Variants in SNTG1 observed in about 807,000 individuals in gnomAD.
SNTG1 encodes the protein syntrophin gamma 1.
A neutral mutation model predicts 74.7 loss-of-function variants in SNTG1; 39 were observed. That is an observed-to-expected ratio of 0.52 (90% CI 0.40 to 0.68). The LOEUF (loss-of-function observed/expected upper bound fraction) is 0.68. Ranked by LOEUF, SNTG1 falls within the 30% of genes least tolerant of loss-of-function variation. The pLI, the probability that SNTG1 is intolerant of heterozygous loss-of-function variation, is 0.00. For synonymous variants in SNTG1, 254 were observed against 217.1 expected, an observed-to-expected ratio of 1.17 and a Z score of -1.49; for missense variants, 685 against 609.5, an observed-to-expected ratio of 1.12 and a Z score of -1.30.
At chr8:49,932,178 C>T (rs1167240316) in intron 1 of SNTG1, among the ~76,000 whole-genome samples, 1 of 152,154 alleles carries the variant, frequency 6.6e-6, no homozygotes, top group Non-Finnish European at 1.5e-5. Flanking sequence ...ACTTCAACCA[C>T]TGGTGCTTAC....
chr8:50,285,694 G>A (rs965734282), intron 2 of SNTG1, among the ~76,000 whole-genome samples: 3 of 151,312 alleles, frequency 2.0e-5, no homozygotes, highest in Admixed American at 6.6e-5. Context: ...TAAAAATGGC[G>A]ACTTCTGGAC....
chr8:50,067,611 A>G (rs1821001299), intron 1 of SNTG1, among the ~76,000 whole-genome samples: 1 of 152,180 alleles, frequency 6.6e-6, no homozygotes, highest in Admixed American at 6.5e-5. Flanking sequence ...TTTTCAAAAT[A>G]TAGTTAGGTA....
At chr8:50,645,626 G>A (rs895431366) in intron 13 of SNTG1, among the ~76,000 whole-genome samples, 8 of 152,018 alleles carry the variant, frequency 5.3e-5, no homozygotes, top group Admixed American at 2.6e-4. Flanking sequence ...TTTATTCCTG[G>A]CAAAATAAAA....
chr8:50,126,264 A>G (rs1431520060), intron 1 of SNTG1, among the ~76,000 whole-genome samples: 1 of 152,162 alleles, frequency 6.6e-6, no homozygotes, highest in Non-Finnish European at 1.5e-5. Context: ...CTTTGGACTC[A>G]GACTGGCTAT....
At chr8:50,597,402 T>TATACATAA (rs2094738087) in intron 13 of SNTG1, among the ~76,000 whole-genome samples, 1 of 144,974 alleles carries the variant, frequency 6.9e-6, no homozygotes, top group Non-Finnish European at 1.5e-5. Context: ...TATATACATA[T>TATACATAA]ATACATATAT....
chr8:50,178,524 A>G (rs559248990), intron 2 of SNTG1, among the ~76,000 whole-genome samples: 1 of 152,290 alleles, frequency 6.6e-6, no homozygotes, highest in East Asian at 1.9e-4. Flanking sequence ...ATTAATACAA[A>G]TGAATTATAA....
chr8:50,522,731 G>A (rs766968800), intron 9 of SNTG1, among the ~76,000 whole-genome samples: 93 of 152,030 alleles, frequency 6.1e-4, no homozygotes, highest in Admixed American at 9.8e-4. Flanking sequence ...GGCATGCACC[G>A]CCATGCCCGG....
intron 2 of SNTG1, among the ~76,000 whole-genome samples, chr8:50,254,375 A>C (rs1023038219): frequency 2.6e-5 from 4 of 152,172 alleles, no homozygotes; most frequent in Non-Finnish European, 5.9e-5. Flanking sequence ...CTTTTTTGAA[A>C]ACTCAAAGAT....
chr8:50,384,705 C>T (rs2092546392), intron 2 of SNTG1, among the ~76,000 whole-genome samples: 1 of 152,128 alleles, frequency 6.6e-6, no homozygotes, highest in Non-Finnish European at 1.5e-5. Context: ...TCTCTTCCTC[C>T]AGTGAATTGT....
Position 50,225,489 on chromosome 8 carries a change from T to G in SNTG1, c.-28+52854T>G, listed in dbSNP as rs79256631. 4.9e-3 allele frequency among the ~76,000 whole-genome samples: 749 copies of G among 152,280 alleles called. 10 individuals are homozygous for G. The highest frequency in any genetic ancestry group is 0.017 in the African/African-American group (707 of 41,562). ...CACCACCTTGAGTTGTCCCCTGCCTTTTCAGACAGAACCAATGCTCATCTT... is the reference window on the plus strand; with the variant it reads ...CACCACCTTGAGTTGTCCCCTGCCTGTTCAGACAGAACCAATGCTCATCTT... On this transcript the variant is annotated intron_variant, in intron 2 of 18. Transcript: ENST00000642720.
intron 1 of SNTG1, among the ~76,000 whole-genome samples, chr8:50,053,492 G>A (rs927175458): frequency 1.3e-5 from 2 of 151,950 alleles, no homozygotes; most frequent in Non-Finnish European, 2.9e-5. Context: ...AAAGTAGACA[G>A]TAGTGATGAT....
intron 18 of SNTG1, among the ~76,000 whole-genome samples, chr8:50,789,472 A>G (rs1297654800): frequency 1.3e-5 from 2 of 151,928 alleles, no homozygotes; most frequent in Non-Finnish European, 2.9e-5. Context: ...CAGAAGCTGA[A>G]CTTCTATTCT....
intron 1 of SNTG1, among the ~76,000 whole-genome samples, chr8:50,058,619 T>C (rs1820220935): frequency 6.6e-6 from 1 of 152,130 alleles, no homozygotes. Context: ...TGAGTACACT[T>C]TAAACAATTT....
At chr8:50,785,520 G>T (rs2095672164) in intron 18 of SNTG1, among the ~76,000 whole-genome samples, 1 of 151,914 alleles carries the variant, frequency 6.6e-6, no homozygotes, top group South Asian at 2.1e-4. Flanking sequence ...ATATTGAAAT[G>T]GTATTTTTAA....
intron 9 of SNTG1, among the ~76,000 whole-genome samples, chr8:50,507,980 C>T (rs2094024009): frequency 6.6e-6 from 1 of 151,558 alleles, no homozygotes; most frequent in Admixed American, 6.6e-5. Context: ...AGGTTAGTTA[C>T]ATATGTATAC....
At chr8:50,518,089 G>A (rs999358681) in intron 9 of SNTG1, among the ~76,000 whole-genome samples, 4 of 151,786 alleles carry the variant, frequency 2.6e-5, no homozygotes, top group Non-Finnish European at 5.9e-5. Context: ...AAGAGAATGA[G>A]AATCATAACA....
At chr8:50,505,308 TATC>T (rs1186765744) in intron 9 of SNTG1, among the ~76,000 whole-genome samples, 3 of 152,170 alleles carry the variant, frequency 2.0e-5, no homozygotes, top group African/African-American at 4.8e-5. Context: ...AGTGTACAAA[TATC>T]ATTCACAACT....
At chr8:49,987,369 T>C (rs1450205258) in intron 1 of SNTG1, among the ~76,000 whole-genome samples, 1 of 152,026 alleles carries the variant, frequency 6.6e-6, no homozygotes, top group Non-Finnish European at 1.5e-5. Flanking sequence ...AATAAACAAT[T>C]ATTTAAAGTC....
chr8:50,117,933 T>G (rs569148489), intron 1 of SNTG1, among the ~76,000 whole-genome samples: 1 of 152,108 alleles, frequency 6.6e-6, no homozygotes, highest in Admixed American at 6.6e-5. Flanking sequence ...TGTGCTGAGT[T>G]CCCTGTAACC....
Sources: allele counts gnomAD v4.1 joint callset (sites outside exome capture counted in the v4.1 genomes callset), GRCh38; gene constraint gnomAD v4.1.1; transcripts MANE v1.5; gene names NCBI Gene and HGNC (gene_info 2026-07-23, HGNC 2026-07-21).